Variants in ZNF394 observed in about 807,000 individuals in gnomAD.
ZNF394 encodes zinc finger protein 394, also known as zinc finger protein 99.
ZNF394 carries 19 observed loss-of-function variants against 21.8 expected under a neutral mutation model. The observed-to-expected ratio is 0.87, with a 90% CI of 0.61 to 1.28. The LOEUF is 1.28. Among genes scored for constraint, ZNF394 ranks in the 50% most tolerant of loss-of-function variants. ZNF394 has a pLI of 0.00. For missense variants in ZNF394, 683 were observed against 708.6 expected, an observed-to-expected ratio of 0.96 and a Z score of 0.41; for synonymous variants, 294 against 273.3, an observed-to-expected ratio of 1.08 and a Z score of -0.75.
chr7:99,490,396 A>C (rs570807000), downstream of ZNF394, among the ~76,000 whole-genome samples: 7 of 152,020 alleles, frequency 4.6e-5, no homozygotes, highest in Non-Finnish European at 1.0e-4. Flanking sequence ...TGACCTCGTG[A>C]TCTGCCAGCC....
intron 2 of ZNF394, among the ~76,000 whole-genome samples, chr7:99,497,568 A>G (rs538303268): frequency 3.9e-5 from 6 of 152,210 alleles, no homozygotes; most frequent in African/African-American, 1.4e-4. Context: ...ACTATTAATT[A>G]TAACAATATA....
intron 2 of ZNF394, 173 bp downstream of exon 2, chr7:99,498,543 A>C (rs1398381185): frequency 1.3e-6 from 1 of 796,358 alleles, no homozygotes; most frequent in Non-Finnish European, 1.9e-6. Flanking sequence ...AATGAACCAA[A>C]GTAAAAAGCT....
intron 2 of ZNF394, 128 bp from the exon 3 acceptor site, chr7:99,494,759 G>A (rs759951490): frequency 9.2e-5 from 127 of 1,379,408 alleles, no homozygotes; most frequent in East Asian, 3.3e-4. Flanking sequence ...TTTTTGAGAC[G>A]GTGTCTTGCT....
At chr7:99,498,512 C>G (rs970788998) in intron 2 of ZNF394, 4 of 549,084 alleles carry the variant, frequency 7.3e-6, no homozygotes, top group Non-Finnish European at 1.2e-5. Flanking sequence ...ATATAGTTTT[C>G]TGTATGTATA....
intron 1 of ZNF394, among the ~76,000 whole-genome samples, chr7:99,499,118 G>A (rs966669641): frequency 6.6e-6 from 1 of 152,200 alleles, no homozygotes; most frequent in Non-Finnish European, 1.5e-5. Flanking sequence ...GCTCACGCCT[G>A]TAATCCCAGC....
At chr7:99,489,290 G>GA (rs66724141), downstream of ZNF394, among the ~76,000 whole-genome samples, 2,778 of 109,200 alleles carry the variant, frequency 0.025, 69 homozygotes, top group African/African-American at 0.072. Context: ...TCTCAAAAAA[G>GA]AAAAAAAAAA....
At chr7:99,489,127 T>C (rs1463733045), downstream of ZNF394, among the ~76,000 whole-genome samples, 1 of 150,968 alleles carries the variant, frequency 6.6e-6, no homozygotes, top group Non-Finnish European at 1.5e-5. Flanking sequence ...TACTAAAAAA[T>C]ACAAAAATTA....
In ZNF394 at chr7:99,493,311, C is replaced by T; in HGVS notation, c.*218G>A. The T allele has an allele frequency of 8.3e-7, 1 of 1,201,538 alleles. No homozygotes were observed. The allele number at this position is 1,201,538 out of a possible 1,614,324, so 74.4% of individuals were successfully genotyped here. On this transcript the variant is annotated 3_prime_UTR_variant, in exon 3 of 3. Coordinates refer to ENST00000337673, the MANE Select transcript of ZNF394 (RefSeq NM_032164.4). The stretch of plus-strand genomic sequence containing the variant: ...TCGCTCTGTTGCCCAGGCTGGAGTG[C>T]AGTGGCATGATCTCAGCTCACTGCA...
chr7:99,497,237 C>A (rs1800363652), intron 2 of ZNF394, among the ~76,000 whole-genome samples: 1 of 149,886 alleles, frequency 6.7e-6, no homozygotes, highest in South Asian at 2.1e-4. Context: ...GGCACGATCT[C>A]GGCTCACTGC....
chr7:99,486,787 C>T (rs199892831), exon 2 of ZNF394: 211 of 1,614,102 alleles, frequency 1.3e-4, no homozygotes, highest in Non-Finnish European at 1.7e-4. Flanking sequence ...GGGGCATGAG[C>T]GAATTCTCAC....
downstream of ZNF394, among the ~76,000 whole-genome samples, chr7:99,491,016 C>A (rs1193739001): frequency 6.6e-6 from 1 of 152,056 alleles, no homozygotes; most frequent in Non-Finnish European, 1.5e-5. Flanking sequence ...AGTGCCCTGA[C>A]TGCTGTTTCC....
At chr7:99,488,431 G>A (rs1354769325), downstream of ZNF394, among the ~76,000 whole-genome samples, 4 of 151,448 alleles carry the variant, frequency 2.6e-5, no homozygotes, top group African/African-American at 9.7e-5. Context: ...GGACCTGGGA[G>A]GTGGAGGTTG....
chr7:99,488,195 C>T (rs539696524), intron 1 of ZNF394, among the ~76,000 whole-genome samples: 1 of 151,928 alleles, frequency 6.6e-6, no homozygotes, highest in African/African-American at 2.4e-5. Flanking sequence ...AGAAGCTGTG[C>T]CGTGTGGTTG....
rs1226614304 is a variant in ZNF394 at position 99,499,981 on chromosome 7, G to T, written c.113C>A (p.Pro38His). 6.2e-7 allele frequency: 1 copy of T among 1,613,104 alleles called. No homozygotes were observed. Among genetic ancestry groups the T allele is most frequent in the Admixed American group, 1.7e-5 (1 of 60,026 alleles). The change falls in exon 1 of 3, where the codon CCC (proline) becomes CAC (histidine). Residue 38 changes from proline (P) to histidine (H), a missense_variant. Transcript: ENST00000337673. ...GGGTGAGTCTTCCTCCACTTTCACG[G>T]GCAAAAGTCCGTCGCGTTGGGACGG... Reference protein sequence around the residue: ...AAPSQRDGLLPVKVEEDSPGS... With the variant: ...AAPSQRDGLLHVKVEEDSPGS...
intron 2 of ZNF394, among the ~76,000 whole-genome samples, chr7:99,497,622 G>A (rs552681911): frequency 6.6e-6 from 1 of 152,046 alleles, no homozygotes; most frequent in Non-Finnish European, 1.5e-5. Context: ...CCAGCACTTT[G>A]GGAGGCTGAG....
rs146542981 is a variant in ZNF394 at position 99,486,659 on chromosome 7, A to G, written n.388T>C. ...ACTTTCCCTACTAGTGGTGATGAATACAGCAGGGGCTTCCTTCAAAACCTT... is the reference window on the plus strand; with the variant it reads ...ACTTTCCCTACTAGTGGTGATGAATGCAGCAGGGGCTTCCTTCAAAACCTT... On this transcript the variant is annotated non_coding_transcript_exon_variant, in exon 2 of 2. Transcript: ENST00000462024. 480 of 1,614,218 alleles carry G rather than the reference A, an allele frequency of 3.0e-4. No individual in the cohort carries two copies. The African/African-American group carries it at 4.8e-3, about 16-fold the overall frequency.
At chr7:99,497,122 G>GTATATATA (rs1206330509) in intron 2 of ZNF394, among the ~76,000 whole-genome samples, 65 of 79,430 alleles carry the variant, frequency 8.2e-4, no homozygotes, top group African/African-American at 3.0e-3. Flanking sequence ...GTGTGTGTGT[G>GTATATATA]TATATATATA....
At position 99,494,333 on chromosome 7, in the gene ZNF394, G is replaced by T. The variant is rs752364676; in HGVS notation, c.882C>A (p.Asn294Lys). The T allele has an allele frequency of 6.2e-7, 1 of 1,614,208 alleles. No individual in the cohort carries two copies. The highest frequency in any genetic ancestry group is 1.7e-5 in the Admixed American group (1 of 60,020). Residue 294 changes from asparagine to lysine, a missense_variant, in exon 3 of 3, where the codon AAC becomes AAA. By Grantham distance (94) the Asn-to-Lys change is moderately conservative. This residue lies in a region of ZNF394 where 402 missense variants were observed against 373.8 expected (regional missense o/e 1.08). Coordinates refer to ENST00000337673, the MANE Select transcript of ZNF394 (RefSeq NM_032164.4). ...NELQNSARCS[N>K]LVLCQHIPKA... Reference sequence around the variant, plus strand: ...TCGGGATGTGCTGACATAGAACAAGGTTGGAACACCTGGCACTGTTCTGCA... The same window carrying T: ...TCGGGATGTGCTGACATAGAACAAGTTTGGAACACCTGGCACTGTTCTGCA...
intron 2 of ZNF394, among the ~76,000 whole-genome samples, chr7:99,496,131 G>A (rs1040519018): frequency 2.0e-5 from 3 of 151,874 alleles, no homozygotes; most frequent in African/African-American, 7.3e-5. Context: ...ATTATAGTAG[G>A]TATTTTAGTA....
Sources: gnomAD v4.1 joint callset for allele counts (sites outside exome capture counted in the v4.1 genomes callset) on GRCh38, gnomAD v4.1.1 for gene constraint, gnomAD v4.1.1 regional missense constraint, MANE v1.5 for transcripts, NCBI Gene and HGNC (gene_info 2026-07-23, HGNC 2026-07-21) for gene names.